FSTL4: variants seen among roughly 807,000 people sequenced by gnomAD.
FSTL4 encodes follistatin-related protein 4.
Under a neutral mutation model 78.2 loss-of-function variants are expected in FSTL4, and 28 were observed. That is an observed-to-expected ratio of 0.36 (90% CI 0.27 to 0.49). FSTL4 has a LOEUF of 0.49. FSTL4 is among the 20% of genes least tolerant of loss of function. The pLI is 0.98. For missense variants in FSTL4, 922 were observed against 1,084.9 expected, an observed-to-expected ratio of 0.85 and a Z score of 2.11; for synonymous variants, 422 against 440.5, an observed-to-expected ratio of 0.96 and a Z score of 0.53.
chr5:133,759,714 T>C, the FSTL4 span, among the ~76,000 whole-genome samples: 1 of 152,232 alleles, frequency 6.6e-6, no homozygotes, highest in African/African-American at 2.4e-5. Context: ...CAGCTATTCA[T>C]GCCGTGGGAT....
At chr5:133,439,628 G>A (rs1347597480) in intron 3 of FSTL4, among the ~76,000 whole-genome samples, 3 of 152,160 alleles carry the variant, frequency 2.0e-5, no homozygotes, top group Non-Finnish European at 4.4e-5. Context: ...TCCCTCTTGG[G>A]GCTGATCTCT....
intron 12 of FSTL4, among the ~76,000 whole-genome samples, chr5:133,218,392 C>A (rs1323967448): frequency 6.6e-6 from 1 of 152,180 alleles, no homozygotes; most frequent in East Asian, 1.9e-4. Flanking sequence ...TCCACCCTAG[C>A]CTCCCAACCT....
intron 3 of FSTL4, among the ~76,000 whole-genome samples, chr5:133,435,380 C>T (rs1757015172): frequency 1.3e-5 from 2 of 152,150 alleles, no homozygotes; most frequent in African/African-American, 4.8e-5. Flanking sequence ...GTTAAAAGTC[C>T]TGCAATAAAA....
intron 3 of FSTL4, among the ~76,000 whole-genome samples, chr5:133,478,693 A>T (rs2112855748): frequency 6.6e-6 from 1 of 152,296 alleles, no homozygotes; most frequent in East Asian, 1.9e-4. Flanking sequence ...TTAATTTTTC[A>T]TGAAGAGTAA....
At chr5:133,353,790 C>A (rs995330318) in intron 4 of FSTL4, among the ~76,000 whole-genome samples, 1 of 152,216 alleles carries the variant, frequency 6.6e-6, no homozygotes, top group Non-Finnish European at 1.5e-5. Context: ...ATGCTGCCTG[C>A]GGGGCTTTGT....
At chr5:133,766,813 A>G in the FSTL4 span, among the ~76,000 whole-genome samples, 21 of 152,326 alleles carry the variant, frequency 1.4e-4, no homozygotes, top group East Asian at 2.3e-3. Context: ...AACAAACAAT[A>G]TAATGTAGAG....
chr5:133,816,191 G>T, the FSTL4 span, among the ~76,000 whole-genome samples: 1 of 152,210 alleles, frequency 6.6e-6, no homozygotes, highest in Non-Finnish European at 1.5e-5. Context: ...CGCTTGTGAG[G>T]CAAGTGGGCT....
At chr5:133,424,269 T>A (rs1462111888) in intron 3 of FSTL4, among the ~76,000 whole-genome samples, 1 of 152,134 alleles carries the variant, frequency 6.6e-6, no homozygotes, top group East Asian at 1.9e-4. Context: ...CCCAGACCCG[T>A]GAACAGTGCA....
At chr5:133,718,725 G>A in the FSTL4 span, among the ~76,000 whole-genome samples, 1 of 152,190 alleles carries the variant, frequency 6.6e-6, no homozygotes, top group African/African-American at 2.4e-5. Flanking sequence ...TTTGGCCTCT[G>A]AGTGATTTTG....
intron 3 of FSTL4, among the ~76,000 whole-genome samples, chr5:133,494,688 G>A (rs1758335034): frequency 6.6e-6 from 1 of 152,208 alleles, no homozygotes; most frequent in African/African-American, 2.4e-5. Context: ...GAGAAAATGT[G>A]AAATCCTGAT....
chr5:133,235,431 G>A (rs528196425), intron 7 of FSTL4, among the ~76,000 whole-genome samples: 2 of 151,018 alleles, frequency 1.3e-5, no homozygotes, highest in African/African-American at 4.9e-5. Context: ...CCTGGGAGGC[G>A]GAGGTTGTAG....
At chr5:133,723,281 C>A in the FSTL4 span, among the ~76,000 whole-genome samples, 8 of 152,174 alleles carry the variant, frequency 5.3e-5, no homozygotes, top group African/African-American at 1.9e-4. Context: ...CACCCCAGGG[C>A]AGGAGGGCAG....
At chr5:133,792,446 G>A in the FSTL4 span, among the ~76,000 whole-genome samples, 3 of 152,194 alleles carry the variant, frequency 2.0e-5, no homozygotes, top group East Asian at 1.9e-4. Context: ...GCCCTGCCCT[G>A]CAACCTCATT....
At chr5:133,784,971 T>A in the FSTL4 span, among the ~76,000 whole-genome samples, 1 of 152,100 alleles carries the variant, frequency 6.6e-6, no homozygotes, top group Non-Finnish European at 1.5e-5. Context: ...TGGGAGGACT[T>A]TGGGGGAGAA....
the FSTL4 span, among the ~76,000 whole-genome samples, chr5:133,639,962 AAAAG>A: frequency 1.3e-5 from 2 of 152,232 alleles, no homozygotes; most frequent in Non-Finnish European, 2.9e-5. Context: ...TCTTAGAAAG[AAAAG>A]AAAGACTCTG....
At chr5:133,787,680 A>C in the FSTL4 span, among the ~76,000 whole-genome samples, 1 of 152,052 alleles carries the variant, frequency 6.6e-6, no homozygotes, top group South Asian at 2.1e-4. Context: ...GCAAGCCAAA[A>C]CTTGGGCCAG....
At chr5:133,383,165 C>T (rs979930469) in intron 4 of FSTL4, among the ~76,000 whole-genome samples, 3 of 152,220 alleles carry the variant, frequency 2.0e-5, no homozygotes, top group African/African-American at 7.2e-5. Flanking sequence ...CCAGTCACAG[C>T]TCTTCCTGTG....
At chr5:133,727,093 C>A in the FSTL4 span, among the ~76,000 whole-genome samples, 1 of 152,176 alleles carries the variant, frequency 6.6e-6, no homozygotes, top group Non-Finnish European at 1.5e-5. Context: ...CCACATCCCA[C>A]ATCCAGAGCT....
At chr5:133,743,083 A>G in the FSTL4 span, among the ~76,000 whole-genome samples, 1 of 152,152 alleles carries the variant, frequency 6.6e-6, no homozygotes, top group Non-Finnish European at 1.5e-5. Flanking sequence ...TATACCAGGG[A>G]AAAAAATTCC....
Sources: gnomAD v4.1 joint callset for allele counts (sites outside exome capture counted in the v4.1 genomes callset) on GRCh38, gnomAD v4.1.1 for gene constraint, MANE v1.5 for transcripts, NCBI Gene and HGNC (gene_info 2026-07-23, HGNC 2026-07-21) for gene names.